RELN: variants seen among roughly 807,000 people sequenced by gnomAD.
RELN encodes the protein reelin.
In RELN, 108 loss-of-function variants were observed where a neutral mutation model predicts 427.6. The ratio of observed to expected loss-of-function variants is 0.25; its 90% CI spans 0.22 to 0.30. RELN has a LOEUF of 0.30. RELN is among the 10% of genes least tolerant of loss of function. The pLI is 1.00. For synonymous variants in RELN, 1,524 were observed against 1,513.4 expected, an observed-to-expected ratio of 1.01 and a Z score of -0.16; for missense variants, 3,715 against 4,302.8, an observed-to-expected ratio of 0.86 and a Z score of 3.82.
chr7:103,883,402 T>C (rs1794651779), intron 2 of RELN, among the ~76,000 whole-genome samples: 9 of 152,210 alleles, frequency 5.9e-5, no homozygotes, highest in Admixed American at 5.9e-4. Flanking sequence ...TCACCACTCC[T>C]ATTCAACATA....
At chr7:103,625,576 G>A (rs1457069465) in intron 20 of RELN, among the ~76,000 whole-genome samples, 1 of 152,082 alleles carries the variant, frequency 6.6e-6, no homozygotes, top group Non-Finnish European at 1.5e-5. Context: ...CTCATGGTAG[G>A]TATTTGCTAT....
At chr7:103,934,503 T>G (rs1795936841) in intron 1 of RELN, among the ~76,000 whole-genome samples, 1 of 152,122 alleles carries the variant, frequency 6.6e-6, no homozygotes, top group Admixed American at 6.6e-5. Flanking sequence ...AAATTTAGCT[T>G]CCAAAGATAG....
At chr7:103,731,889 T>A (rs1790364009) in intron 6 of RELN, among the ~76,000 whole-genome samples, 1 of 152,170 alleles carries the variant, frequency 6.6e-6, no homozygotes, top group South Asian at 2.1e-4. Context: ...TATTTTCACA[T>A]GTAAGTAATA....
intron 6 of RELN, among the ~76,000 whole-genome samples, chr7:103,736,685 T>C (rs943487570): frequency 4.8e-4 from 73 of 152,218 alleles, no homozygotes; most frequent in Middle Eastern, 3.2e-3. Flanking sequence ...CTATGGTAAA[T>C]TCCACTACAT....
chr7:103,711,688 GCT>G (rs1260475324), intron 8 of RELN, among the ~76,000 whole-genome samples: 11 of 152,218 alleles, frequency 7.2e-5, no homozygotes, highest in African/African-American at 2.6e-4. Flanking sequence ...GCAGGGTATT[GCT>G]CTGTTGCCCA....
intron 3 of RELN, among the ~76,000 whole-genome samples, chr7:103,808,318 G>A (rs1266335721): frequency 1.3e-5 from 2 of 151,792 alleles, no homozygotes; most frequent in African/African-American, 4.8e-5. Flanking sequence ...GCTAAATGAT[G>A]AGTTAATGGG....
intron 50 of RELN, 79 bp from the exon 51 acceptor site, chr7:103,511,084 T>C (rs528005956): frequency 1.4e-4 from 134 of 990,244 alleles, no homozygotes; most frequent in Non-Finnish European, 2.0e-4. Flanking sequence ...AAGCAAGACA[T>C]AGAATTATTT....
rs1003418994 is a variant in RELN, at chr7:103,620,729, C to T, written c.2703-8926G>A. Among the ~76,000 whole-genome samples the T allele has an allele frequency of 6.6e-6, 1 of 152,200 alleles. No homozygotes were observed. Among genetic ancestry groups the T allele is most frequent in the Non-Finnish European group, 1.5e-5 (1 of 68,032 alleles). On this transcript the variant is annotated intron_variant, in intron 20 of 64. Transcript: ENST00000428762. The surrounding 1 kb of genome is among the most constrained non-coding windows in gnomAD (Gnocchi z 4.1). ...CCTCAAGTGATCTGCCCGCCTCAGC[C>T]TCCCAAAGTGCTGGGATTACAGGTG...
intron 3 of RELN, among the ~76,000 whole-genome samples, chr7:103,802,967 C>T (rs914503495): frequency 1.3e-5 from 2 of 152,116 alleles, no homozygotes; most frequent in Admixed American, 6.6e-5. Flanking sequence ...AGTAATATAA[C>T]ACCGTAATAT....
At position 103,572,857 on chromosome 7, in the gene RELN, T is replaced by A. The variant is rs187006625; in HGVS notation, c.4512-597A>T. 9.9e-3 allele frequency among the ~76,000 whole-genome samples: 1,513 copies of A among 152,352 alleles called. 9 individuals are homozygous for A. Among genetic ancestry groups the A allele is most frequent in the Non-Finnish European group, 0.017 (1,163 of 68,030 alleles). ...TTGGAAACTCAAGATGAAGATTTTT[T>A]AAAATTATACTTTAGTTTCTGGGAT... On this transcript the variant is annotated intron_variant, in intron 30 of 64. Transcript: ENST00000428762.
chr7:103,886,681 A>C (rs745809666), intron 2 of RELN, among the ~76,000 whole-genome samples: 19 of 152,248 alleles, frequency 1.2e-4, no homozygotes, highest in Non-Finnish European at 2.5e-4. Context: ...TTGGTGAACT[A>C]ACAATTGTGA....
intron 23 of RELN, 143 bp downstream of exon 23, chr7:103,604,203 C>G: frequency 2.2e-6 from 2 of 927,276 alleles, no homozygotes; most frequent in Non-Finnish European, 3.4e-6. Flanking sequence ...ATCTAAAATA[C>G]AAACAGAAAG....
intron 21 of RELN, 24 bp from the exon 22 acceptor site, chr7:103,610,831 C>A (rs1562921424): frequency 1.5e-6 from 2 of 1,354,114 alleles, no homozygotes; most frequent in South Asian, 2.3e-5. Context: ...AGGCACAAAT[C>A]AAACCCAGCT....
intron 1 of RELN, among the ~76,000 whole-genome samples, chr7:103,939,552 TATA>T (rs1472350808): frequency 2.0e-5 from 3 of 152,196 alleles, no homozygotes; most frequent in Non-Finnish European, 4.4e-5. Flanking sequence ...GGTGGGTTGG[TATA>T]ACCATTCTTT....
chr7:103,513,025 T>C (rs1829466956), intron 50 of RELN: 1 of 152,222 alleles, frequency 6.6e-6, no homozygotes, highest in African/African-American at 2.4e-5. Context: ...ATCTGTTTTT[T>C]TACTGTGAGG....
intron 45 of RELN, among the ~76,000 whole-genome samples, chr7:103,538,144 G>A (rs1387078102): frequency 2.0e-5 from 3 of 152,172 alleles, no homozygotes; most frequent in African/African-American, 7.2e-5. Context: ...GGTAGAAAGA[G>A]TATCTCTGGC....
chr7:103,833,080 T>G (rs1223957231), intron 3 of RELN, among the ~76,000 whole-genome samples: 5 of 152,324 alleles, frequency 3.3e-5, no homozygotes, highest in Admixed American at 2.0e-4. Flanking sequence ...CAAATTAACC[T>G]ATCCATTACA....
rs1790161592 is a variant in RELN at position 103,724,710 on chromosome 7, G to C, written c.754-1519C>G. 3.3e-5 allele frequency among the ~76,000 whole-genome samples: 5 copies of C among 151,812 alleles called. No homozygotes were observed. In the South Asian group the frequency reaches 6.2e-4, roughly 19 times the overall value. On this transcript the variant is annotated intron_variant, in intron 7 of 64. Transcript: ENST00000428762. ...ACTGATTCTAATTTTTTTCACCAGG[G>C]AAGTTTAGGACTGGTATAATGGTTG...
chr7:103,630,439 T>C (rs1383401183), intron 19 of RELN, among the ~76,000 whole-genome samples: 1 of 152,182 alleles, frequency 6.6e-6, no homozygotes, highest in African/African-American at 2.4e-5. Flanking sequence ...GTATTCATCA[T>C]AGTCTAGTAA....
Sources: gnomAD v4.1 joint callset for allele counts (sites outside exome capture counted in the v4.1 genomes callset) on GRCh38, gnomAD v4.1.1 for gene constraint, Gnocchi (gnomAD v3.1) non-coding constraint, MANE v1.5 for transcripts, NCBI Gene and HGNC (gene_info 2026-07-23, HGNC 2026-07-21) for gene names.